PRELID2: variants seen among roughly 807,000 people sequenced by gnomAD.
The protein encoded by PRELID2 is PRELI domain containing 2.
Under a neutral mutation model 28.4 loss-of-function variants are expected in PRELID2, and 25 were observed. That is an observed-to-expected ratio of 0.88 (90% CI 0.64 to 1.23). PRELID2 has a LOEUF of 1.23. PRELID2 is among the 50% of genes most tolerant of loss of function. PRELID2 has a pLI of 0.00. For synonymous variants in PRELID2, 76 were observed against 71.6 expected, an observed-to-expected ratio of 1.06 and a Z score of -0.31; for missense variants, 201 against 214.4, an observed-to-expected ratio of 0.94 and a Z score of 0.39.
the PRELID2 span, among the ~76,000 whole-genome samples, chr5:145,446,824 A>T: frequency 1.3e-5 from 2 of 152,100 alleles, no homozygotes; most frequent in African/African-American, 2.4e-5. Context: ...AGGCAAGTGG[A>T]TCACCTGAGA....
chr5:145,448,041 C>T, the PRELID2 span, among the ~76,000 whole-genome samples: 2 of 152,056 alleles, frequency 1.3e-5, no homozygotes, highest in African/African-American at 4.8e-5. Context: ...CCTGAGGAAT[C>T]ACCACACTGA....
chr5:145,676,321 C>G (rs544215114), intron 1 of PRELID2, among the ~76,000 whole-genome samples: 2 of 151,748 alleles, frequency 1.3e-5, no homozygotes, highest in Non-Finnish European at 2.9e-5. Flanking sequence ...GGGCAGATCA[C>G]GAGGTCAGGA....
In PRELID2 at chr5:145,600,434, A is replaced by AAAAAAATATATATAT. The variant is rs1315631607; in HGVS notation, n.71-127120_71-127119insATATATATATTTTTT. Among the ~76,000 whole-genome samples, 7 of 120,116 alleles carry AAAAAAATATATATAT rather than the reference A, an allele frequency of 5.8e-5. 1 individual carries two copies. Among genetic ancestry groups the AAAAAAATATATATAT allele is most frequent in the African/African-American group, 2.9e-4 (7 of 24,518 alleles). The allele number at this position is 120,116 out of a possible 152,430, so 78.8% of individuals were successfully genotyped here. On this transcript the variant is annotated intron_variant and non_coding_transcript_variant, in intron 1 of 2. Transcript: ENST00000510259. ...TCTCAGGGGGGGAAAAAAAAAAAAA[A>AAAAAAATATATATAT]ATATATATATATATATATATGTATC...
chr5:145,713,615 T>C (rs2149711943), intron 1 of PRELID2, among the ~76,000 whole-genome samples: 4 of 130,202 alleles, frequency 3.1e-5, no homozygotes, highest in South Asian at 2.5e-4. Flanking sequence ...AAAATATATA[T>C]AGTAAATATA....
chr5:145,782,164 T>TCAAAGTACAAAGTACAAAGTA (rs1339215530), intron 5 of PRELID2, among the ~76,000 whole-genome samples: 34 of 152,310 alleles, frequency 2.2e-4, no homozygotes, highest in African/African-American at 8.2e-4. Context: ...AGTATCTACT[T>TCAAAGTACAAAGTACAAAGTA]CAAAGTCATA....
At chr5:145,628,101 A>G (rs1753876972) in intron 1 of PRELID2, among the ~76,000 whole-genome samples, 1 of 152,142 alleles carries the variant, frequency 6.6e-6, no homozygotes, top group Non-Finnish European at 1.5e-5. Context: ...CTATTTACAC[A>G]TTGTATTTTA....
At chr5:145,404,444 T>C in the PRELID2 span, among the ~76,000 whole-genome samples, 6 of 152,164 alleles carry the variant, frequency 3.9e-5, no homozygotes, top group East Asian at 1.2e-3. Context: ...TTTATGAATA[T>C]ATAGTGTGTG....
intron 1 of PRELID2, among the ~76,000 whole-genome samples, chr5:145,475,120 A>G (rs1383470661): frequency 6.6e-6 from 1 of 152,232 alleles, no homozygotes; most frequent in Non-Finnish European, 1.5e-5. Context: ...ATGTTATTCC[A>G]TCTCAAATGC....
chr5:145,315,300 C>T, the PRELID2 span, among the ~76,000 whole-genome samples: 2 of 151,876 alleles, frequency 1.3e-5, no homozygotes, highest in Non-Finnish European at 2.9e-5. Context: ...GATCTCTTGA[C>T]CTCGTGATCT....
At chr5:145,723,473 T>A (rs922619705) in intron 1 of PRELID2, among the ~76,000 whole-genome samples, 1 of 152,180 alleles carries the variant, frequency 6.6e-6, no homozygotes, top group Non-Finnish European at 1.5e-5. Context: ...AAAAAGCTAT[T>A]ATCTTTAATA....
chr5:145,573,866 C>T (rs187162891), intron 1 of PRELID2, among the ~76,000 whole-genome samples: 1 of 152,180 alleles, frequency 6.6e-6, no homozygotes. Context: ...CAAATTTTTG[C>T]CTCCAAGAAA....
the PRELID2 span, chr5:145,338,398 A>T: frequency 3.9e-5 from 6 of 152,232 alleles, no homozygotes; most frequent in African/African-American, 1.4e-4. Flanking sequence ...GAAACATTAA[A>T]AAAAATCACA....
intron 1 of PRELID2, among the ~76,000 whole-genome samples, chr5:145,513,782 T>C (rs1305222510): frequency 6.6e-6 from 1 of 152,156 alleles, no homozygotes; most frequent in Non-Finnish European, 1.5e-5. Flanking sequence ...GCTCATCAGA[T>C]TAACGGTGGA....
At chr5:145,559,605 A>G (rs556806727) in intron 1 of PRELID2, among the ~76,000 whole-genome samples, 2 of 152,174 alleles carry the variant, frequency 1.3e-5, no homozygotes, top group African/African-American at 4.8e-5. Flanking sequence ...TGACTCCTCT[A>G]TTGCCCCCTC....
the PRELID2 span, among the ~76,000 whole-genome samples, chr5:145,279,445 C>T: frequency 1.2e-3 from 179 of 152,250 alleles, no homozygotes; most frequent in African/African-American, 4.1e-3. Flanking sequence ...TTTAGGCCAG[C>T]TTCTTAACCT....
intron 1 of PRELID2, among the ~76,000 whole-genome samples, chr5:145,535,825 T>C (rs1322304843): frequency 1.3e-5 from 2 of 151,964 alleles, no homozygotes; most frequent in South Asian, 2.1e-4. Flanking sequence ...TTTTCACTTC[T>C]TCCTTTAGTT....
chr5:145,445,908 T>C, the PRELID2 span, among the ~76,000 whole-genome samples: 5 of 151,956 alleles, frequency 3.3e-5, no homozygotes, highest in Non-Finnish European at 7.4e-5. Flanking sequence ...TCTACACTCA[T>C]ATATGGAAGC....
chr5:145,735,922 G>A (rs770442586), intron 1 of PRELID2, among the ~76,000 whole-genome samples: 15 of 152,160 alleles, frequency 9.9e-5, no homozygotes, highest in Non-Finnish European at 1.8e-4. Context: ...CTTACTCGGC[G>A]CTCTCTCTGA....
chr5:145,569,911 T>A (rs940521465), intron 1 of PRELID2, among the ~76,000 whole-genome samples: 27 of 152,288 alleles, frequency 1.8e-4, no homozygotes, highest in African/African-American at 6.3e-4. Context: ...TAACAGAGTA[T>A]AGCAAACTGG....
Sources: allele counts gnomAD v4.1 joint callset (sites outside exome capture counted in the v4.1 genomes callset), GRCh38; gene constraint gnomAD v4.1.1; transcripts MANE v1.5; gene names NCBI Gene and HGNC (gene_info 2026-07-23, HGNC 2026-07-21).